Variants in DPP8 observed in about 807,000 individuals in gnomAD.
DPP8 encodes DPP VIII.
Under a neutral mutation model 107.5 loss-of-function variants are expected in DPP8, and 31 were observed. That is an observed-to-expected ratio of 0.29 (90% CI 0.22 to 0.39). The LOEUF (loss-of-function observed/expected upper bound fraction) is 0.39, where lower values mean the gene tolerates loss of function less well. Among genes scored for constraint, DPP8 ranks in the 10% least tolerant of loss-of-function variants. DPP8 has a pLI of 1.00. For missense variants in DPP8, 842 were observed against 1,076.1 expected (o/e 0.78, Z 3.04); for synonymous variants, 381 against 356.6 (o/e 1.07, Z -0.77).
intron 15 of DPP8, among the ~76,000 whole-genome samples, chr15:65,463,511 C>T (rs1368417276): frequency 2.6e-5 from 4 of 151,048 alleles, no homozygotes; most frequent in Non-Finnish European, 5.9e-5. Flanking sequence ...CATTGTACTT[C>T]AGCCTGGGCA....
intron 3 of DPP8, among the ~76,000 whole-genome samples, chr15:65,503,675 T>C (rs2069534060): frequency 6.6e-6 from 1 of 152,018 alleles, no homozygotes; most frequent in African/African-American, 2.4e-5. Flanking sequence ...CAGGGTAGAG[T>C]GCAGTGGCAC....
chr15:65,489,281 G>C (rs1161048883), intron 6 of DPP8, among the ~76,000 whole-genome samples: 1 of 151,706 alleles, frequency 6.6e-6, no homozygotes, highest in African/African-American at 2.4e-5. Context: ...TTTTTATTTT[G>C]CCACCAATGC....
intron 15 of DPP8, among the ~76,000 whole-genome samples, chr15:65,458,082 C>T (rs953077026): frequency 2.6e-5 from 4 of 152,198 alleles, no homozygotes; most frequent in Non-Finnish European, 4.4e-5. Flanking sequence ...AGAAGATGGT[C>T]TCAATTGCTT....
intron 3 of DPP8, among the ~76,000 whole-genome samples, chr15:65,501,040 G>A (rs750022915): frequency 6.6e-6 from 1 of 151,984 alleles, no homozygotes; most frequent in East Asian, 1.9e-4. Context: ...ACCACGCCCA[G>A]CTAATTTTTT....
intron 12 of DPP8, among the ~76,000 whole-genome samples, chr15:65,468,275 G>A (rs115427483): frequency 1.3e-3 from 203 of 152,188 alleles, no homozygotes; most frequent in African/African-American, 4.5e-3. Flanking sequence ...TGAGAGGATC[G>A]TTTGAGCTTA....
At chr15:65,507,656 T>TAAAAAAAAAAAAAAAAAAAAA (rs746039694) in intron 2 of DPP8, among the ~76,000 whole-genome samples, 1 of 105,216 alleles carries the variant, frequency 9.5e-6, no homozygotes. Context: ...GATCCCAACT[T>TAAAAAAAAAAAAAAAAAAAAA]AAAAAAAAAA....
At chr15:65,447,713 T>C (rs554804932) in intron 19 of DPP8, among the ~76,000 whole-genome samples, 1 of 152,294 alleles carries the variant, frequency 6.6e-6, no homozygotes, top group South Asian at 2.1e-4. Flanking sequence ...TTATTTAGGG[T>C]ATCCAGTAAA....
In DPP8 at chr15:65,443,291, G is replaced by C. The variant is rs1259065239; in HGVS notation, c.*3593C>G. ...GGATACTAACTGGCTGTGTGGTCGT[G>C]GGTATATTTCCTCCTCTCTCTCTAG... On this transcript the variant is annotated 3_prime_UTR_variant, in exon 20 of 20. Coordinates refer to ENST00000300141, the MANE Select transcript of DPP8 (RefSeq NM_130434.5). The C allele has an allele frequency of 6.6e-6, 1 of 152,078 alleles. No individual in the cohort carries two copies. Among genetic ancestry groups the C allele is most frequent in the Admixed American group, 6.6e-5 (1 of 15,262 alleles). 9.4% of individuals were successfully genotyped at this position (152,078 alleles called of 1,614,324 possible). A position where few individuals can be genotyped will look rare whatever the true frequency, so the allele number is the denominator to read the frequency against.
intron 15 of DPP8, among the ~76,000 whole-genome samples, chr15:65,460,498 A>G (rs1422997847): frequency 6.6e-6 from 1 of 152,096 alleles, no homozygotes; most frequent in Non-Finnish European, 1.5e-5. Context: ...CCTTCCATCC[A>G]GTCCCTGACA....
intron 8 of DPP8, 95 bp downstream of exon 8, chr15:65,485,004 C>A (rs772187714): frequency 1.6e-5 from 16 of 975,144 alleles, no homozygotes; most frequent in Non-Finnish European, 2.6e-5. Flanking sequence ...GCAAGTTCAG[C>A]AAGTCCAAAA....
chr15:65,464,115 G>C (rs1048851721), intron 14 of DPP8, among the ~76,000 whole-genome samples: 1 of 152,162 alleles, frequency 6.6e-6, no homozygotes, highest in African/African-American at 2.4e-5. Context: ...TGTAATCCCA[G>C]CACTTTGGGA....
chr15:65,496,114 G>C (rs2068573572), intron 5 of DPP8, among the ~76,000 whole-genome samples: 1 of 151,740 alleles, frequency 6.6e-6, no homozygotes, highest in African/African-American at 2.4e-5. Flanking sequence ...CTCCTTAGTA[G>C]CTGGGACTAC....
intron 2 of DPP8, 138 bp from the exon 3 acceptor site, chr15:65,507,493 G>C (rs1166643269): frequency 5.5e-6 from 3 of 545,754 alleles, no homozygotes. Context: ...TTAACAAGTA[G>C]AATGTGCTTA....
chr15:65,453,884 G>C (rs148284859), intron 17 of DPP8, among the ~76,000 whole-genome samples: 2,560 of 152,198 alleles, frequency 0.017, 33 homozygotes, highest in Non-Finnish European at 0.025. Context: ...AACGCAGGTG[G>C]ATCTCTTGAG....
intron 6 of DPP8, among the ~76,000 whole-genome samples, chr15:65,488,603 CAA>C (rs1166493197): frequency 0.022 from 981 of 45,180 alleles, no homozygotes; most frequent in South Asian, 0.082. Flanking sequence ...GACCCTGCCT[CAA>C]AAAAAAAAAA....
chr15:65,472,070 CA>C (rs2065944589), intron 12 of DPP8, among the ~76,000 whole-genome samples: 1 of 152,120 alleles, frequency 6.6e-6, no homozygotes, highest in Non-Finnish European at 1.5e-5. Context: ...CAAGGTACTT[CA>C]AAAACGCAAT....
Position 65,451,988 on chromosome 15 carries a change from C to A in DPP8, c.2386G>T (p.Ala796Ser). ...GAGGGGAACTTTTCTGCTTGCATGGCCACAGATCCTAAGTAATAGCCCTGT... is the reference window on the plus strand; with the variant it reads ...GAGGGGAACTTTTCTGCTTGCATGGACACAGATCCTAAGTAATAGCCCTGT... ...NEQGYYLGSV[A>S]MQAEKFPSEP... The change falls in exon 18 of 20, where the codon GCC (alanine) becomes TCC (serine). Residue 796 changes from alanine (A) to serine (S), a missense_variant. This residue lies in a region of DPP8 where 179 missense variants were observed against 318.0 expected (regional missense o/e 0.56). Transcript: ENST00000300141. 6.2e-7 allele frequency: 1 copy of A among 1,608,236 alleles called. No homozygotes were observed. The highest frequency in any genetic ancestry group is 8.5e-7 in the Non-Finnish European group (1 of 1,178,084).
intron 9 of DPP8, 47 bp downstream of exon 9, chr15:65,481,468 C>A: frequency 1.5e-6 from 2 of 1,299,924 alleles, no homozygotes; most frequent in East Asian, 2.4e-5. Flanking sequence ...TTCCAAAGCT[C>A]TGGATCCTAA....
At chr15:65,468,908 T>TA (rs764317573) in intron 12 of DPP8, among the ~76,000 whole-genome samples, 1 of 152,178 alleles carries the variant, frequency 6.6e-6, no homozygotes, top group Non-Finnish European at 1.5e-5. Context: ...GGGGGCTTGT[T>TA]AAACAGATTA....
Sources: allele counts gnomAD v4.1 joint callset (sites outside exome capture counted in the v4.1 genomes callset), GRCh38; gene constraint gnomAD v4.1.1; regional missense constraint gnomAD v4.1.1; transcripts MANE v1.5; gene names NCBI Gene and HGNC (gene_info 2026-07-23, HGNC 2026-07-21).